Variants in ANKRD36 observed in about 807,000 individuals in gnomAD.
The protein encoded by ANKRD36 is ankyrin repeat domain-containing protein 36A.
In ANKRD36, 179 loss-of-function variants were observed where a neutral mutation model predicts 278.1. The observed-to-expected ratio is 0.64, with a 90% CI of 0.57 to 0.73. ANKRD36 has a LOEUF of 0.73. Ranked by LOEUF, ANKRD36 falls within the 30% of genes least tolerant of loss-of-function variation. The pLI, the probability that ANKRD36 is intolerant of heterozygous loss-of-function variation, is 0.00. For synonymous variants in ANKRD36, 320 were observed against 641.1 expected (o/e 0.50, Z 7.57); for missense variants, 1,159 against 1,956.7 (o/e 0.59, Z 7.69).
chr2:97,242,229 G>T (rs1186267354), intron 69 of ANKRD36, among the ~76,000 whole-genome samples: 1 of 151,516 alleles, frequency 6.6e-6, no homozygotes, highest in African/African-American at 2.4e-5. Flanking sequence ...GGCAGAGGTT[G>T]CAGTGAGCAG....
At position 97,187,208 on chromosome 2, in the gene ANKRD36, G is replaced by A. The variant is rs1220576915; in HGVS notation, c.2052G>A (p.Gln684=). The A allele has an allele frequency of 3.7e-6, 6 of 1,609,702 alleles. 1 individual carries two copies. The Admixed American group carries it at 8.4e-5, about 22-fold the overall frequency. ...DGLQCGTVSS[Q]KQPALKATTD... ...CCTTTTGCTTTTCAGTGTCTTCTCA[G>A]AAACAACCAGCCTTGAAGGTAATTA... Residue 684 remains glutamine, a synonymous_variant, in exon 31 of 76, where the codon CAG becomes CAA. Coordinates refer to ENST00000420699, the MANE Select transcript of ANKRD36 (RefSeq NM_001354587.1).
chr2:97,207,701 C>G (rs1558787883), intron 52 of ANKRD36, 110 bp from the exon 53 acceptor site: 27 of 1,502,390 alleles, frequency 1.8e-5, no homozygotes, highest in East Asian at 7.4e-5. Flanking sequence ...CCATCAAAGC[C>G]TACGCTAATA....
intron 22 of ANKRD36, among the ~76,000 whole-genome samples, chr2:97,170,210 A>G (rs1415672249): frequency 6.6e-6 from 1 of 151,894 alleles, no homozygotes; most frequent in Non-Finnish European, 1.5e-5. Context: ...TGTTGGGAAA[A>G]CTGGCTAGCC....
At chr2:97,220,756 A>ATTTTTTATTT (rs1229484526) in intron 66 of ANKRD36, among the ~76,000 whole-genome samples, 1 of 66,258 alleles carries the variant, frequency 1.5e-5, no homozygotes, top group East Asian at 6.7e-4. Context: ...TTAATTTTTA[A>ATTTTTTATTT]TTTTCTTTTT....
At chr2:97,210,014 T>TGTGTG in intron 56 of ANKRD36, 142 bp downstream of exon 56, 1 of 1,349,252 alleles carries the variant, frequency 7.4e-7, no homozygotes. Context: ...AATAAGTTCT[T>TGTGTG]GTGTGGTGCT....
chr2:97,190,293 G>T (rs2058228897), intron 34 of ANKRD36, among the ~76,000 whole-genome samples: 1 of 90,722 alleles, frequency 1.1e-5, no homozygotes, highest in Admixed American at 9.7e-5. Context: ...TATTTTTATT[G>T]AGGCTGATAT....
Position 97,196,798 on chromosome 2 carries a change from A to C in ANKRD36, c.2653+10A>C. 1.3e-6 allele frequency: 2 copies of C among 1,545,402 alleles called. No individual in the cohort carries two copies. Among genetic ancestry groups the C allele is most frequent in the Non-Finnish European group, 1.7e-6 (2 of 1,146,508 alleles). On this transcript the variant is annotated intron_variant, in intron 42 of 75. Coordinates refer to ENST00000420699, the MANE Select transcript of ANKRD36 (RefSeq NM_001354587.1). ...GAAAAATCTAGGACAGGTAATTCTG[A>C]AAACAGATTTAATGTCATGTTCAGT...
intron 66 of ANKRD36, among the ~76,000 whole-genome samples, chr2:97,222,793 A>G (rs1237560280): frequency 2.0e-5 from 3 of 152,104 alleles, no homozygotes; most frequent in African/African-American, 7.2e-5. Context: ...GCTATATAGA[A>G]GTGTTGATAT....
intron 34 of ANKRD36, among the ~76,000 whole-genome samples, chr2:97,189,640 C>A (rs1244138205): frequency 1.2e-5 from 1 of 86,460 alleles, no homozygotes; most frequent in African/African-American, 2.7e-5. Context: ...AGTATAGATT[C>A]TACAGACGTC....
At chr2:97,198,231 A>G (rs1031047213) in intron 42 of ANKRD36, among the ~76,000 whole-genome samples, 3 of 151,926 alleles carry the variant, frequency 2.0e-5, no homozygotes, top group African/African-American at 7.2e-5. Context: ...AGTTTTTGGC[A>G]TATGACAAAT....
At chr2:97,117,854 G>C (rs1004763100) in intron 1 of ANKRD36, among the ~76,000 whole-genome samples, 39 of 151,930 alleles carry the variant, frequency 2.6e-4, no homozygotes, top group Admixed American at 8.5e-4. Flanking sequence ...AGAGCTTACA[G>C]TAAATTTTAA....
intron 6 of ANKRD36, among the ~76,000 whole-genome samples, chr2:97,141,550 A>C (rs1282042704): frequency 7.4e-6 from 1 of 135,360 alleles, no homozygotes; most frequent in African/African-American, 2.8e-5. Flanking sequence ...TGGCTGCTCC[A>C]GAAACTACTG....
chr2:97,113,708 C>A lies in ANKRD36; in HGVS notation c.-32C>A. 6.2e-7 allele frequency: 1 copy of A among 1,610,552 alleles called. No individual in the cohort carries two copies. The highest frequency in any genetic ancestry group is 8.5e-7 in the Non-Finnish European group (1 of 1,179,494). On this transcript the variant is annotated 5_prime_UTR_variant, in exon 1 of 76. Coordinates refer to ENST00000420699, the MANE Select transcript of ANKRD36 (RefSeq NM_001354587.1). ...CGATCCCCGAAGGCGAGCTGAAATA[C>A]GGCTGCAGGCTACAATTTGCAGCCG... is the stretch of plus-strand genomic sequence containing the variant.
In ANKRD36 at chr2:97,209,947, G is replaced by A. The variant is rs1048599431; in HGVS notation, c.3367+75G>A. The A allele has an allele frequency of 6.0e-5, 90 of 1,510,724 alleles. 1 individual carries two copies. The highest frequency in any genetic ancestry group is 8.7e-5 in the Admixed American group (4 of 45,896). The allele number at this position is 1,510,724 out of a possible 1,614,324, so 93.6% of individuals were successfully genotyped here. A position where few individuals can be genotyped will look rare whatever the true frequency, so the allele number is the denominator to read the frequency against. On this transcript the variant is annotated intron_variant, in intron 56 of 75. Transcript: ENST00000420699. ...AATTCTCTTCCCTGAATAAATCAGC[G>A]GAGGGCTCGTTGAAGCTGCACATTC...
In ANKRD36 at chr2:97,186,770, T is replaced by C. The variant is rs753598479; in HGVS notation, c.2042-428T>C. Among the ~76,000 whole-genome samples, 57 of 151,880 alleles carry C rather than the reference T, an allele frequency of 3.8e-4. 1 individual carries two copies. Among genetic ancestry groups the C allele is most frequent in the Non-Finnish European group, 1.0e-4 (7 of 67,950 alleles). On this transcript the variant is annotated intron_variant, in intron 30 of 75. Coordinates refer to ENST00000420699, the MANE Select transcript of ANKRD36 (RefSeq NM_001354587.1). ...CCTTCTCAGTTACTGGGCAAGTTAA[T>C]GAACATGATGAATGTTTGCAGTATA...
chr2:97,202,618 T>C (rs1309387599), intron 48 of ANKRD36, among the ~76,000 whole-genome samples: 1 of 151,808 alleles, frequency 6.6e-6, no homozygotes, highest in African/African-American at 2.4e-5. Flanking sequence ...GGGAAGAATA[T>C]ACATGGAGAG....
chr2:97,195,893 T>G (rs1388533574), intron 40 of ANKRD36, among the ~76,000 whole-genome samples: 2 of 151,922 alleles, frequency 1.3e-5, no homozygotes, highest in Non-Finnish European at 2.9e-5. Context: ...AATTGATAAT[T>G]GATGACATTT....
At chr2:97,219,384 A>G (rs1301128324) in intron 66 of ANKRD36, 138 bp downstream of exon 66, 1 of 1,266,592 alleles carries the variant, frequency 7.9e-7, no homozygotes. Context: ...AGCTGTTATC[A>G]TTTTTATTTA....
intron 15 of ANKRD36, among the ~76,000 whole-genome samples, chr2:97,156,482 G>A (rs1278830546): frequency 2.3e-5 from 3 of 130,208 alleles, no homozygotes; most frequent in Non-Finnish European, 3.5e-5. Flanking sequence ...TTGGTTTTTT[G>A]TTCTTGCGAT....
Sources: allele counts gnomAD v4.1 joint callset (sites outside exome capture counted in the v4.1 genomes callset), GRCh38; gene constraint gnomAD v4.1.1; transcripts MANE v1.5; gene names NCBI Gene and HGNC (gene_info 2026-07-23, HGNC 2026-07-21).